NAALADL2: variants seen among roughly 807,000 people sequenced by gnomAD.
NAALADL2 encodes the protein inactive N-acetylated-alpha-linked acidic dipeptidase-like protein 2.
A neutral mutation model predicts 87.2 loss-of-function variants in NAALADL2; 76 were observed. The ratio of observed to expected loss-of-function variants is 0.87; its 90% CI spans 0.72 to 1.05. The LOEUF (loss-of-function observed/expected upper bound fraction) is 1.05. NAALADL2 is among the 50% of genes least tolerant of loss of function. The pLI, the probability that NAALADL2 is intolerant of heterozygous loss-of-function variation, is 0.00. For missense variants in NAALADL2, 1,089 were observed against 945.8 expected (o/e 1.15, Z -1.99); for synonymous variants, 354 against 331.0 (o/e 1.07, Z -0.75).
At chr3:174,642,749 CATATATATATATATATATATATATATAT>C (rs71624288) in intron 2 of NAALADL2, among the ~76,000 whole-genome samples, 13 of 130,288 alleles carry the variant, frequency 1.0e-4, no homozygotes, top group South Asian at 5.0e-4. Context: ...TGAAAAAAAA[CATATATATATATATATATATATATATAT>C]ATATATATAT....
intron 1 of NAALADL2, among the ~76,000 whole-genome samples, chr3:174,998,047 T>C (rs73048948): frequency 0.051 from 7,834 of 152,262 alleles, 652 homozygotes; most frequent in African/African-American, 0.18. Flanking sequence ...TGACACTTCT[T>C]TTATTGTAAT....
chr3:175,352,366 CTT>C (rs1352667163), intron 5 of NAALADL2, among the ~76,000 whole-genome samples: 1 of 152,046 alleles, frequency 6.6e-6, no homozygotes, highest in Admixed American at 6.6e-5. Flanking sequence ...GAGTTGGACT[CTT>C]TATTTACACA....
chr3:175,639,093 C>T (rs985182017), intron 11 of NAALADL2, among the ~76,000 whole-genome samples: 27 of 152,090 alleles, frequency 1.8e-4, no homozygotes, highest in African/African-American at 6.5e-4. Context: ...TGAAGGTCTC[C>T]TGATTGGCAG....
rs1734691842 is a variant in NAALADL2 at position 175,170,790 on chromosome 3, T to C, written c.546-63141T>C. ...AACGTGATGTTGCCATTAAGCATGTTTGTATTCATTGGTACATGTGTATAA... is the reference window on the plus strand; with the variant it reads ...AACGTGATGTTGCCATTAAGCATGTCTGTATTCATTGGTACATGTGTATAA... On this transcript the variant is annotated intron_variant, in intron 2 of 13. Coordinates refer to ENST00000454872, the MANE Select transcript of NAALADL2 (RefSeq NM_207015.3). Among the ~76,000 whole-genome samples, 3 of 151,652 alleles carry C rather than the reference T, an allele frequency of 2.0e-5. No homozygotes were observed. The South Asian group carries it at 6.2e-4, about 31-fold the overall frequency.
At chr3:174,976,162 AAAG>A (rs561543018) in intron 1 of NAALADL2, among the ~76,000 whole-genome samples, 6 of 152,348 alleles carry the variant, frequency 3.9e-5, no homozygotes, top group East Asian at 1.9e-4. Flanking sequence ...TAAAATATGA[AAAG>A]AAGAACTTTT....
intron 3 of NAALADL2, among the ~76,000 whole-genome samples, chr3:174,764,559 A>G (rs951347207): frequency 6.6e-5 from 10 of 152,198 alleles, no homozygotes; most frequent in Admixed American, 5.9e-4. Context: ...GCAATGAGCC[A>G]AGATTGTGCC....
chr3:175,234,157 G>T lies in NAALADL2; in HGVS notation c.772G>T (p.Asp258Tyr). The T allele has an allele frequency of 6.2e-7, 1 of 1,613,856 alleles. No individual in the cohort carries two copies. The highest frequency in any genetic ancestry group is 8.5e-7 in the Non-Finnish European group (1 of 1,179,808). The part of the protein sequence containing the change: ...SEEARKDSSQ[D>Y]LLYSYAAYSA... Reference sequence around the variant, plus strand: ...AGAAGCCAGAAAAGATAGCAGCCAAGACCTGCTCTATTCATATGCAGCCTA... The same window carrying T: ...AGAAGCCAGAAAAGATAGCAGCCAATACCTGCTCTATTCATATGCAGCCTA... Residue 258 changes from aspartate to tyrosine, a missense_variant, in exon 3 of 14, where the codon GAC (aspartate) becomes TAC (tyrosine). Asp to Tyr is a radical substitution (Grantham distance 160). Transcript: ENST00000454872.
intron 1 of NAALADL2, among the ~76,000 whole-genome samples, chr3:174,885,876 G>GTTTTTTTTT (rs60403770): frequency 2.0e-5 from 2 of 101,640 alleles, no homozygotes; most frequent in African/African-American, 3.8e-5. Flanking sequence ...AGTCCGAGTT[G>GTTTTTTTTT]TTTTTTTTTT....
intron 1 of NAALADL2, among the ~76,000 whole-genome samples, chr3:174,970,540 T>A (rs1249256183): frequency 6.6e-6 from 1 of 152,200 alleles, no homozygotes; most frequent in African/African-American, 2.4e-5. Flanking sequence ...ATCATGCTAA[T>A]AGTTGTGCTA....
intron 1 of NAALADL2, among the ~76,000 whole-genome samples, chr3:175,000,538 C>A (rs1748090743): frequency 6.6e-6 from 1 of 152,288 alleles, no homozygotes; most frequent in Non-Finnish European, 1.5e-5. Context: ...AACCAAGTAA[C>A]TGGTGCCTGC....
intron 1 of NAALADL2, among the ~76,000 whole-genome samples, chr3:175,054,839 G>A (rs1315171433): frequency 6.6e-6 from 1 of 152,082 alleles, no homozygotes; most frequent in Non-Finnish European, 1.5e-5. Context: ...TAACTGCTCT[G>A]GAATTATAAC....
chr3:175,738,353 T>C (rs1744796617), intron 12 of NAALADL2, among the ~76,000 whole-genome samples: 1 of 152,060 alleles, frequency 6.6e-6, no homozygotes, highest in Non-Finnish European at 1.5e-5. Context: ...GTTCAAGTAA[T>C]TCTCCTGCCT....
intron 10 of NAALADL2, among the ~76,000 whole-genome samples, chr3:175,576,733 A>G (rs1164405577): frequency 1.3e-5 from 2 of 152,172 alleles, no homozygotes; most frequent in African/African-American, 2.4e-5. Flanking sequence ...TTGGACTTCA[A>G]TCCTTCTAAT....
chr3:175,447,493 G>A (rs1223800821), intron 6 of NAALADL2, 121 bp downstream of exon 6: 1 of 635,096 alleles, frequency 1.6e-6, no homozygotes, highest in African/African-American at 1.9e-5. Flanking sequence ...TTTTGATGAA[G>A]TGAGCATTAT....
chr3:175,281,243 A>T (rs1754272697), intron 4 of NAALADL2, among the ~76,000 whole-genome samples: 1 of 151,750 alleles, frequency 6.6e-6, no homozygotes, highest in African/African-American at 2.4e-5. Context: ...TTTATAAACC[A>T]ATTTTAAATA....
chr3:175,718,198 T>G (rs1741643319), intron 11 of NAALADL2: 4 of 485,030 alleles, frequency 8.2e-6, no homozygotes, highest in South Asian at 9.6e-5. Flanking sequence ...GCCTGTGGTT[T>G]TTTTTTTTTT....
At chr3:175,720,481 A>G (rs1168362093) in intron 11 of NAALADL2, among the ~76,000 whole-genome samples, 1 of 152,100 alleles carries the variant, frequency 6.6e-6, no homozygotes, top group Non-Finnish European at 1.5e-5. Context: ...GAAAAATGAG[A>G]AAGTCATATC....
chr3:174,657,587 GT>G (rs1372098546), intron 2 of NAALADL2, among the ~76,000 whole-genome samples: 3 of 152,080 alleles, frequency 2.0e-5, no homozygotes, highest in Non-Finnish European at 4.4e-5. Flanking sequence ...CAATATTTTA[GT>G]TAGAATGGCG....
chr3:175,359,223 A>C (rs1473351241), intron 5 of NAALADL2, among the ~76,000 whole-genome samples: 1 of 152,128 alleles, frequency 6.6e-6, no homozygotes. Context: ...TCATCATTTA[A>C]AATAATTAGT....
Sources: gnomAD v4.1 joint callset for allele counts (sites outside exome capture counted in the v4.1 genomes callset) on GRCh38, gnomAD v4.1.1 for gene constraint, MANE v1.5 for transcripts, NCBI Gene and HGNC (gene_info 2026-07-23, HGNC 2026-07-21) for gene names.